Variants in WDR27 observed in about 807,000 individuals in gnomAD.
The protein encoded by WDR27 is WD repeat-containing protein 27.
A neutral mutation model predicts 114.4 loss-of-function variants in WDR27; 100 were observed. The ratio of observed to expected loss-of-function variants is 0.87; its 90% CI spans 0.74 to 1.03. WDR27 has a LOEUF of 1.03. Among genes scored for constraint, WDR27 ranks in the 50% least tolerant of loss-of-function variants. WDR27 has a pLI of 0.00. For missense variants in WDR27, 1,129 were observed against 1,092.9 expected, an observed-to-expected ratio of 1.03 and a Z score of -0.47; for synonymous variants, 449 against 423.1, an observed-to-expected ratio of 1.06 and a Z score of -0.75.
intron 25 of WDR27, among the ~76,000 whole-genome samples, chr6:169,497,078 A>G (rs1297814672): frequency 1.3e-5 from 2 of 152,176 alleles, no homozygotes; most frequent in Non-Finnish European, 2.9e-5. Flanking sequence ...TAACACTGCC[A>G]TAAAGACAGA....
intron 17 of WDR27, among the ~76,000 whole-genome samples, chr6:169,642,991 G>A (rs1819617969): frequency 6.6e-6 from 1 of 152,204 alleles, no homozygotes; most frequent in Non-Finnish European, 1.5e-5. Flanking sequence ...GCTTCAACGA[G>A]CATCTCCTTG....
intron 25 of WDR27, among the ~76,000 whole-genome samples, chr6:169,516,423 G>A (rs896984121): frequency 6.6e-6 from 1 of 152,116 alleles, no homozygotes; most frequent in African/African-American, 2.4e-5. Context: ...GGCTTAAAAG[G>A]CTTGTCTTTC....
intron 16 of WDR27, among the ~76,000 whole-genome samples, chr6:169,647,055 G>A (rs1035483445): frequency 6.6e-6 from 1 of 152,174 alleles, no homozygotes; most frequent in East Asian, 1.9e-4. Flanking sequence ...CCCAGGCAGG[G>A]GCACAGCTTG....
intron 3 of WDR27, 161 bp downstream of exon 3, chr6:169,672,094 G>A (rs1385116920): frequency 1.4e-5 from 9 of 639,844 alleles, no homozygotes; most frequent in Non-Finnish European, 2.0e-5. Flanking sequence ...GCGCCTGCTT[G>A]CATGCCTGGG....
chr6:169,437,798 A>T, the WDR27 span, among the ~76,000 whole-genome samples: 2 of 151,528 alleles, frequency 1.3e-5, no homozygotes, highest in African/African-American at 2.4e-5. Context: ...AGTTGTTGCA[A>T]TTTTTTTTTA....
chr6:169,528,975 T>A (rs1795259003), intron 25 of WDR27, among the ~76,000 whole-genome samples: 1 of 152,172 alleles, frequency 6.6e-6, no homozygotes, highest in African/African-American at 2.4e-5. Context: ...GCAGTTACAC[T>A]CCTAAAAAGT....
chr6:169,623,805 T>C (rs977803347), intron 21 of WDR27, among the ~76,000 whole-genome samples: 7 of 152,208 alleles, frequency 4.6e-5, no homozygotes, highest in Non-Finnish European at 5.9e-5. Flanking sequence ...ATTTAGCACA[T>C]TGAAAACTCC....
At chr6:169,454,844 T>C (rs1328305321), downstream of WDR27, among the ~76,000 whole-genome samples, 3 of 152,240 alleles carry the variant, frequency 2.0e-5, no homozygotes, top group Non-Finnish European at 4.4e-5. Flanking sequence ...TGCACATCCA[T>C]GGCTGGGCTG....
chr6:169,581,195 T>TC (rs904794990), intron 24 of WDR27, among the ~76,000 whole-genome samples: 1 of 152,084 alleles, frequency 6.6e-6, no homozygotes, highest in Non-Finnish European at 1.5e-5. Flanking sequence ...CCAACCTTTT[T>TC]CTCACTGAAA....
intron 2 of WDR27, among the ~76,000 whole-genome samples, chr6:169,685,927 G>T (rs1585157905): frequency 2.6e-5 from 4 of 152,078 alleles, no homozygotes; most frequent in Admixed American, 2.6e-4. Context: ...AAAATCGAAA[G>T]ACAAAGAAAA....
chr6:169,629,897 A>G (rs1211664394), intron 21 of WDR27, among the ~76,000 whole-genome samples: 1 of 148,504 alleles, frequency 6.7e-6, no homozygotes, highest in Non-Finnish European at 1.5e-5. Context: ...ACTGCACTCC[A>G]GCCTGGGCGA....
chr6:169,647,507 A>G, intron 16 of WDR27: 2 of 555,134 alleles, frequency 3.6e-6, no homozygotes, highest in Non-Finnish European at 3.2e-6. Context: ...GGAGCTGGAC[A>G]CAGAACAGCA....
At chr6:169,565,398 C>T (rs577412474) in intron 25 of WDR27, among the ~76,000 whole-genome samples, 3 of 152,174 alleles carry the variant, frequency 2.0e-5, no homozygotes, top group African/African-American at 7.2e-5. Context: ...TCAGATAAGG[C>T]GGAACACTGC....
chr6:169,648,273 C>T (rs1445236106), intron 15 of WDR27, among the ~76,000 whole-genome samples: 1 of 152,162 alleles, frequency 6.6e-6, no homozygotes, highest in East Asian at 1.9e-4. Flanking sequence ...GCCTTCCGTG[C>T]ACATGCCAAT....
intron 1 of WDR27, among the ~76,000 whole-genome samples, chr6:169,695,967 G>A (rs958391065): frequency 6.6e-6 from 1 of 152,112 alleles, no homozygotes; most frequent in Admixed American, 6.5e-5. Context: ...GCACAGAAAG[G>A]AGTTTTCACC....
At position 169,513,975 on chromosome 6, in the gene WDR27, T is replaced by C. The variant is rs554755660; in HGVS notation, c.2646-56341A>G. 7.2e-5 allele frequency among the ~76,000 whole-genome samples: 11 copies of C among 152,276 alleles called. No individual in the cohort carries two copies. The South Asian group carries it at 2.1e-3, about 29-fold the overall frequency. On this transcript the variant is annotated intron_variant, in intron 25 of 25. Transcript: ENST00000448612. ...ATTGCACAGTGGGCTTTAGCTCTTA[T>C]CTCAGAACTGCGGGACATACAATTA... is the stretch of plus-strand genomic sequence containing the variant.
chr6:169,449,882 A>G, the WDR27 span, among the ~76,000 whole-genome samples: 16 of 152,218 alleles, frequency 1.1e-4, no homozygotes. Flanking sequence ...CATGCACACT[A>G]AACTACCACA....
At chr6:169,575,886 C>CA in intron 24 of WDR27, among the ~76,000 whole-genome samples, 1 of 152,182 alleles carries the variant, frequency 6.6e-6, no homozygotes, top group African/African-American at 2.4e-5. Flanking sequence ...TAAGGTTCAA[C>CA]AATTTCACAA....
chr6:169,605,453 A>G (rs1383640999), intron 22 of WDR27, among the ~76,000 whole-genome samples: 1 of 152,022 alleles, frequency 6.6e-6, no homozygotes, highest in Non-Finnish European at 1.5e-5. Context: ...AATGAAAGAA[A>G]CTACAGATAA....
Sources: gnomAD v4.1 joint callset for allele counts (sites outside exome capture counted in the v4.1 genomes callset) on GRCh38, gnomAD v4.1.1 for gene constraint, MANE v1.5 for transcripts, NCBI Gene and HGNC (gene_info 2026-07-23, HGNC 2026-07-21) for gene names.